The following NKAIN2 variants were observed in gnomAD, a reference collection of about 807,000 sequenced individuals.
The protein encoded by NKAIN2 is sodium/potassium-transporting ATPase subunit beta-1-interacting protein 2.
In NKAIN2, 14 loss-of-function variants were observed where a neutral mutation model predicts 32.6. That is an observed-to-expected ratio of 0.43 (90% CI 0.28 to 0.67). The LOEUF (loss-of-function observed/expected upper bound fraction) is 0.67. Ranked by LOEUF, NKAIN2 falls within the 30% of genes least tolerant of loss-of-function variation. NKAIN2 has a pLI of 0.17. For synonymous variants in NKAIN2, 80 were observed against 87.2 expected (o/e 0.92, Z 0.46); for missense variants, 198 against 258.3 (o/e 0.77, Z 1.60).
At chr6:124,267,481 TAAAAAAAAA>T (rs71541244) in intron 1 of NKAIN2, among the ~76,000 whole-genome samples, 2 of 97,750 alleles carry the variant, frequency 2.0e-5, no homozygotes, top group Non-Finnish European at 4.3e-5. Flanking sequence ...ACCATGTCTC[TAAAAAAAAA>T]AAAAAAAAAA....
intron 2 of NKAIN2, among the ~76,000 whole-genome samples, chr6:124,310,821 A>G (rs1318216294): frequency 3.3e-5 from 5 of 152,166 alleles, no homozygotes; most frequent in Admixed American, 2.0e-4. Flanking sequence ...GCTAGAAGTG[A>G]TACTAACAAT....
At chr6:124,218,237 G>T (rs1791593593) in intron 1 of NKAIN2, among the ~76,000 whole-genome samples, 1 of 152,122 alleles carries the variant, frequency 6.6e-6, no homozygotes, top group South Asian at 2.1e-4. Context: ...GGGCTTAAAA[G>T]ATACATGGCA....
chr6:124,228,256 A>G (rs934531118), intron 1 of NKAIN2, among the ~76,000 whole-genome samples: 2 of 152,176 alleles, frequency 1.3e-5, no homozygotes, highest in Admixed American at 1.3e-4. Flanking sequence ...AGCCTTCCCA[A>G]ATGGGCTTAG....
At chr6:124,244,561 T>C (rs1793291823) in intron 1 of NKAIN2, among the ~76,000 whole-genome samples, 1 of 152,012 alleles carries the variant, frequency 6.6e-6, no homozygotes, top group Non-Finnish European at 1.5e-5. Flanking sequence ...ATTTAAAAGT[T>C]CAGCCGAGAT....
At chr6:124,040,975 T>G (rs1252934143) in intron 1 of NKAIN2, among the ~76,000 whole-genome samples, 1 of 152,052 alleles carries the variant, frequency 6.6e-6, no homozygotes, top group Admixed American at 6.6e-5. Flanking sequence ...TTACACTCTA[T>G]GTTGTACAAC....
rs144054185 is a variant in NKAIN2, at chr6:124,591,590, T to C, written c.274-66596T>C. Among the ~76,000 whole-genome samples the C allele has an allele frequency of 6.0e-3, 921 of 152,248 alleles. 10 individuals are homozygous for C. The highest frequency in any genetic ancestry group is 0.021 in the African/African-American group (884 of 41,540). On this transcript the variant is annotated intron_variant, in intron 3 of 6. Transcript: ENST00000368417. Reference sequence around the variant, plus strand: ...CAAAAAAATAATTTTTTTGTACCTCTCTTCTGGTATCAAAGCAATTTGAAA... The same window carrying C: ...CAAAAAAATAATTTTTTTGTACCTCCCTTCTGGTATCAAAGCAATTTGAAA...
At chr6:124,688,366 G>T (rs748698799) in intron 4 of NKAIN2, among the ~76,000 whole-genome samples, 1 of 151,878 alleles carries the variant, frequency 6.6e-6, no homozygotes, top group Non-Finnish European at 1.5e-5. Context: ...ATTGAAGAAA[G>T]GTACAGAGAG....
intron 5 of NKAIN2, among the ~76,000 whole-genome samples, chr6:124,807,350 C>A (rs1780623147): frequency 6.6e-6 from 1 of 150,714 alleles, no homozygotes; most frequent in Non-Finnish European, 1.5e-5. Flanking sequence ...CAAAACTGCT[C>A]AACTACATGG....
At chr6:124,525,478 T>TTAATGA (rs1779276840) in intron 3 of NKAIN2, among the ~76,000 whole-genome samples, 1 of 152,142 alleles carries the variant, frequency 6.6e-6, no homozygotes, top group Admixed American at 6.6e-5. Context: ...AACTTTTAAT[T>TTAATGA]TAATGATTCT....
chr6:124,732,218 A>G (rs1469441884), intron 4 of NKAIN2, among the ~76,000 whole-genome samples: 4 of 152,066 alleles, frequency 2.6e-5, no homozygotes, highest in Admixed American at 2.0e-4. Flanking sequence ...TTTGAGTGGG[A>G]ATAGCCTTCT....
chr6:123,851,780 T>C (rs965775681), intron 1 of NKAIN2, among the ~76,000 whole-genome samples: 29 of 152,344 alleles, frequency 1.9e-4, no homozygotes, highest in African/African-American at 7.0e-4. Flanking sequence ...CCTTTGCCTA[T>C]TTTTAAGTCT....
At chr6:124,571,639 A>T (rs2083009822) in intron 3 of NKAIN2, among the ~76,000 whole-genome samples, 1 of 152,150 alleles carries the variant, frequency 6.6e-6, no homozygotes, top group South Asian at 2.1e-4. Context: ...AAGCCCAGTT[A>T]ACCCTCTTTT....
At chr6:124,671,179 A>G (rs1258139257) in intron 4 of NKAIN2, among the ~76,000 whole-genome samples, 1 of 152,084 alleles carries the variant, frequency 6.6e-6, no homozygotes, top group Non-Finnish European at 1.5e-5. Flanking sequence ...TACAACCCAC[A>G]CATCACAATT....
At chr6:124,305,211 T>C (rs958918821) in intron 2 of NKAIN2, among the ~76,000 whole-genome samples, 8 of 152,124 alleles carry the variant, frequency 5.3e-5, no homozygotes, top group African/African-American at 1.9e-4. Flanking sequence ...TGTTTACAAG[T>C]GACGTGATTG....
chr6:124,166,574 A>G (rs1387997241), intron 1 of NKAIN2, among the ~76,000 whole-genome samples: 4 of 151,048 alleles, frequency 2.6e-5, no homozygotes, highest in Non-Finnish European at 5.9e-5. Context: ...TTGGTGTTTT[A>G]GACATGAAGT....
chr6:124,612,273 GA>G (rs915441275), intron 3 of NKAIN2, among the ~76,000 whole-genome samples: 7 of 151,734 alleles, frequency 4.6e-5, no homozygotes, highest in Non-Finnish European at 7.4e-5. Flanking sequence ...CTGCTAGGGG[GA>G]AAAAAAGCAA....
At chr6:123,980,160 C>G (rs1193081624) in intron 1 of NKAIN2, among the ~76,000 whole-genome samples, 1 of 152,064 alleles carries the variant, frequency 6.6e-6, no homozygotes, top group Non-Finnish European at 1.5e-5. Context: ...ATTATAGAAG[C>G]CAGAATTCTT....
At chr6:124,028,880 TATATGTGTATATATATATATATACAC>T (rs1438475600) in intron 1 of NKAIN2, among the ~76,000 whole-genome samples, 64 of 34,410 alleles carry the variant, frequency 1.9e-3, no homozygotes, top group East Asian at 2.1e-3. Context: ...TATATGTATA[TATATGTGTATATATATATATATACAC>T]ATATATGTAT....
At chr6:124,771,931 A>G (rs1039592071) in intron 4 of NKAIN2, among the ~76,000 whole-genome samples, 3 of 152,162 alleles carry the variant, frequency 2.0e-5, no homozygotes, top group Non-Finnish European at 4.4e-5. Context: ...AGAGAATGGC[A>G]TTTATGAATA....
Sources: gnomAD v4.1 joint callset for allele counts (sites outside exome capture counted in the v4.1 genomes callset) on GRCh38, gnomAD v4.1.1 for gene constraint, MANE v1.5 for transcripts, NCBI Gene and HGNC (gene_info 2026-07-23, HGNC 2026-07-21) for gene names.